The following C21orf58 variants were observed in gnomAD, a reference collection of about 807,000 sequenced individuals.
C21orf58 encodes uncharacterized protein C21orf58.
In C21orf58, 34 loss-of-function variants were observed where a neutral mutation model predicts 35.8. That is an observed-to-expected ratio of 0.95 (90% CI 0.72 to 1.26). The LOEUF (loss-of-function observed/expected upper bound fraction) is 1.26, where lower values mean the gene tolerates loss of function less well. Ranked by LOEUF, C21orf58 falls within the 50% of genes most tolerant of loss-of-function variation. The probability of loss-of-function intolerance (pLI) is 0.00; values close to 1 mark genes in which losing one functional copy is unlikely to be tolerated. For missense variants in C21orf58, 440 were observed against 414.3 expected, an observed-to-expected ratio of 1.06 and a Z score of -0.54; for synonymous variants, 191 against 175.8, an observed-to-expected ratio of 1.09 and a Z score of -0.68.
At chr21:46,318,377 C>T (rs1157353928) in intron 1 of C21orf58, 157 bp from the exon 2 acceptor site, 32 of 1,444,562 alleles carry the variant, frequency 2.2e-5, no homozygotes, top group South Asian at 1.3e-4. Flanking sequence ...CTCAGGCTAC[C>T]GGTAAACACT....
At chr21:46,322,472 G>A (rs1168743326) in intron 1 of C21orf58, 167 bp downstream of exon 1, 5 of 985,142 alleles carry the variant, frequency 5.1e-6, no homozygotes, top group Non-Finnish European at 6.0e-6. Context: ...ATTCAGGCGC[G>A]GTCTGGGTCT....
rs1329039637 is a variant in C21orf58, at chr21:46,302,286, A to AG, written c.814-133dup. The AG allele has an allele frequency of 7.6e-5, 106 of 1,396,778 alleles. No homozygotes were observed. The African/African-American group carries it at 1.5e-3, about 19-fold the overall frequency. 86.5% of individuals were successfully genotyped at this position (1,396,778 alleles called of 1,614,324 possible). A position where few individuals can be genotyped will look rare whatever the true frequency, so the allele number is the denominator to read the frequency against. On this transcript the variant is annotated intron_variant, in intron 7 of 7. Coordinates refer to ENST00000291691, the MANE Select transcript of C21orf58 (RefSeq NM_058180.5). ...CAGGGTCTAAGCATCCTCCCAGAGGAGGCTCCTCCCCCGCCCCAAATTGTG... is the reference window on the plus strand; with the variant it reads ...CAGGGTCTAAGCATCCTCCCAGAGGAGGGCTCCTCCCCCGCCCCAAATTGTG...
intron 6 of C21orf58, among the ~76,000 whole-genome samples, chr21:46,303,730 TA>T (rs1569116217): frequency 1.0e-3 from 29 of 28,734 alleles, no homozygotes; most frequent in Non-Finnish European, 1.6e-3. Flanking sequence ...TATATATATA[TA>T]TATATATATA....
At chr21:46,304,014 GTGC>G (rs1400145840) in intron 6 of C21orf58, among the ~76,000 whole-genome samples, 2 of 129,358 alleles carry the variant, frequency 1.5e-5, no homozygotes, top group Non-Finnish European at 3.2e-5. Context: ...GCTTCCCAAA[GTGC>G]TGGTTTTTTT....
At chr21:46,304,086 G>A (rs1375819428) in intron 6 of C21orf58, among the ~76,000 whole-genome samples, 2 of 131,300 alleles carry the variant, frequency 1.5e-5, no homozygotes, top group Non-Finnish European at 3.1e-5. Flanking sequence ...GAGTGCAGTG[G>A]TGCAATCTTG....
intron 6 of C21orf58, among the ~76,000 whole-genome samples, chr21:46,304,428 G>A (rs1406312191): frequency 6.6e-6 from 1 of 151,752 alleles, no homozygotes; most frequent in East Asian, 1.9e-4. Context: ...TGAGGCTGCA[G>A]CGAGGTATGA....
chr21:46,320,593 C>G (rs1225465762), intron 1 of C21orf58: 1 of 151,494 alleles, frequency 6.6e-6, no homozygotes, highest in African/African-American at 2.4e-5. Flanking sequence ...CTGCACCCAC[C>G]CAGATAAAGA....
chr21:46,304,312 G>A (rs879349317), intron 6 of C21orf58, among the ~76,000 whole-genome samples: 5 of 151,940 alleles, frequency 3.3e-5, no homozygotes, highest in Non-Finnish European at 5.9e-5. Context: ...TTACAGGCGT[G>A]AGCCACTGCG....
At chr21:46,304,478 CCTGT>C (rs2082325891) in intron 6 of C21orf58, among the ~76,000 whole-genome samples, 1 of 151,058 alleles carries the variant, frequency 6.6e-6, no homozygotes, top group South Asian at 2.1e-4. Context: ...GGAGTGAGAC[CCTGT>C]CTCTTAGAAA....
intron 6 of C21orf58, among the ~76,000 whole-genome samples, chr21:46,304,250 T>C (rs750827397): frequency 3.3e-5 from 5 of 152,040 alleles, no homozygotes; most frequent in Non-Finnish European, 5.9e-5. Context: ...CAGGATGGTC[T>C]GGAACTCCTG....
At chr21:46,305,611 T>A (rs1354129153) in intron 6 of C21orf58, among the ~76,000 whole-genome samples, 1 of 152,168 alleles carries the variant, frequency 6.6e-6, no homozygotes, top group Non-Finnish European at 1.5e-5. Context: ...ATTACAGATA[T>A]GAGCCACTGT....
rs551181084 is a variant in C21orf58, at chr21:46,307,971, A to T, written c.721+3485T>A. ...CTAGTGAGAATATTAAATGCTGCAG[A>T]CACTAGATAACAGTTTGGCAGTTTC... On this transcript the variant is annotated intron_variant, in intron 6 of 7. Transcript: ENST00000291691. 2.6e-5 allele frequency among the ~76,000 whole-genome samples: 4 copies of T among 152,234 alleles called. No homozygotes were observed. In the South Asian group the frequency reaches 8.3e-4, roughly 32 times the overall value.
At position 46,302,553 on chromosome 21, in the gene C21orf58, G is replaced by C; in HGVS notation, c.745C>G (p.Gln249Glu). ...KEDMVELLLL[Q>E]NAQVHQLVLQ... is the part of the protein sequence containing the mutation. ...ACCAACTGGTGCACCTGTGCGTTCT[G>C]CAGCAGCAGCAGCTCCACCATGTCT... Residue 249 changes from glutamine to glutamate, a missense_variant, in exon 7 of 8, where the codon CAG (glutamine) becomes GAG (glutamate). By Grantham distance (29) the Gln-to-Glu change is conservative. Coordinates refer to ENST00000291691, the MANE Select transcript of C21orf58 (RefSeq NM_058180.5). 1.2e-6 allele frequency: 2 copies of C among 1,609,606 alleles called. No individual in the cohort carries two copies. Among genetic ancestry groups the C allele is most frequent in the Non-Finnish European group, 1.7e-6 (2 of 1,177,034 alleles).
Position 46,322,896 on chromosome 21 carries a change from G to A in C21orf58, c.-158C>T. ...GCGAGGAGCCACTCCAGCACGCTCG[G>A]GAAGGGCATCGTTACTGCTGCAAAC... On this transcript the variant is annotated 5_prime_UTR_variant, in exon 1 of 8. Transcript: ENST00000291691. 8.0e-6 allele frequency: 4 copies of A among 499,122 alleles called. No homozygotes were observed. The highest frequency in any genetic ancestry group is 1.4e-5 in the Non-Finnish European group (4 of 285,454). The allele number at this position is 499,122 out of a possible 1,614,324, so 30.9% of individuals were successfully genotyped here.
At chr21:46,314,452 C>G (rs540878954) in intron 5 of C21orf58, among the ~76,000 whole-genome samples, 2 of 152,312 alleles carry the variant, frequency 1.3e-5, no homozygotes, top group African/African-American at 4.8e-5. Flanking sequence ...GATACTTCTG[C>G]CCCTAATGCA....
rs1381802422 is a variant in C21orf58, at chr21:46,318,134, T to C, written c.187A>G (p.Thr63Ala). 17 of 1,612,920 alleles carry C rather than the reference T, an allele frequency of 1.1e-5. No individual in the cohort carries two copies. Among genetic ancestry groups the C allele is most frequent in the Non-Finnish European group, 1.4e-5 (16 of 1,179,984 alleles). ...GGCCACAGCCCACCTCCCTCCCTGG[T>C]TCTGTTACTCGCAGGAAAGAACTGC... ...AEQFFPASNR[T>A]REGGGLWPPL... The change falls in exon 2 of 8, where the codon ACC becomes GCC. Residue 63 changes from threonine (T) to alanine (A), a missense_variant. Thr to Ala is a moderately conservative substitution (Grantham distance 58). Transcript: ENST00000291691.
At chr21:46,311,224 T>C (rs565140543) in intron 6 of C21orf58, among the ~76,000 whole-genome samples, 1 of 152,308 alleles carries the variant, frequency 6.6e-6, no homozygotes, top group African/African-American at 2.4e-5. Context: ...TGGATGATGA[T>C]TGGATGAGTT....
At position 46,301,314 on chromosome 21, in the gene C21orf58, T is replaced by A. The variant is rs11089057; in HGVS notation, c.*685A>T. 0.19 allele frequency: 62,266 copies of A among 324,426 alleles called. 6,392 individuals are homozygous for A. The highest frequency in any genetic ancestry group is 0.27 in the Middle Eastern group (177 of 650). 20.1% of individuals were successfully genotyped at this position (324,426 alleles called of 1,614,324 possible). ...ATATCACCACACCTGGCTAGTTTTTTAAATTTATTTTTTGTAGAGACGGGG... is the reference window on the plus strand; with the variant it reads ...ATATCACCACACCTGGCTAGTTTTTAAAATTTATTTTTTGTAGAGACGGGG... On this transcript the variant is annotated 3_prime_UTR_variant, in exon 8 of 8. Transcript: ENST00000291691.
In C21orf58 at chr21:46,311,552, C is replaced by T. The variant is rs1163741638; in HGVS notation, c.625G>A (p.Ala209Thr). The T allele has an allele frequency of 1.2e-6, 2 of 1,609,912 alleles. No homozygotes were observed. The highest frequency in any genetic ancestry group is 1.3e-5 in the African/African-American group (1 of 74,868). Residue 209 changes from alanine to threonine, a missense_variant, in exon 6 of 8, where the codon GCC (alanine) becomes ACC (threonine). Coordinates refer to ENST00000291691, the MANE Select transcript of C21orf58 (RefSeq NM_058180.5). ...TGAGGGAGCTGCTGAATGATGGTGG[C>T]AGGAGGCTGGGGGACCTAGGAACAG... ...IILPTVPQPPATIIQQLPQQP... is the reference protein window; with the variant it reads ...IILPTVPQPPTTIIQQLPQQP...
Sources: allele counts gnomAD v4.1 joint callset (sites outside exome capture counted in the v4.1 genomes callset), GRCh38; gene constraint gnomAD v4.1.1; transcripts MANE v1.5; gene names NCBI Gene and HGNC (gene_info 2026-07-23, HGNC 2026-07-21).